The following PLD5 variants were observed in gnomAD, a reference collection of about 807,000 sequenced individuals.
PLD5 encodes inactive phospholipase D5.
PLD5 carries 36 observed loss-of-function variants against 61.1 expected under a neutral mutation model. The ratio of observed to expected loss-of-function variants is 0.59; its 90% confidence interval spans 0.45 to 0.78. The LOEUF is 0.78. Among genes scored for constraint, PLD5 ranks in the 30% least tolerant of loss-of-function variants. The pLI is 0.00. For synonymous variants in PLD5, 243 were observed against 242.8 expected, an observed-to-expected ratio of 1.00 and a Z score of -0.01; for missense variants, 515 against 644.4, an observed-to-expected ratio of 0.80 and a Z score of 2.17.
chr1:242,524,804 G>A (rs1349300003), upstream of PLD5: 1 of 150,840 alleles, frequency 6.6e-6, no homozygotes, highest in Non-Finnish European at 1.5e-5. Flanking sequence ...GTGCAGTGAG[G>A]AGCCGCCGCC....
At chr1:242,512,134 G>A (rs1377773183) in intron 1 of PLD5, among the ~76,000 whole-genome samples, 1 of 151,764 alleles carries the variant, frequency 6.6e-6, no homozygotes, top group Non-Finnish European at 1.5e-5. Flanking sequence ...GGGTTTGGTT[G>A]GGTGCGGTGG....
At chr1:242,366,176 C>T (rs895844262) in intron 1 of PLD5, among the ~76,000 whole-genome samples, 1 of 152,116 alleles carries the variant, frequency 6.6e-6, no homozygotes, top group Non-Finnish European at 1.5e-5. Flanking sequence ...ACTGAAGAAA[C>T]CATGCCTCTA....
chr1:242,364,963 A>G lies in PLD5; in HGVS notation c.190-16721T>C, dbSNP rs182662032. Reference sequence around the variant, plus strand: ...GATAAAAATGGATCAACTTTTAGCAATACAGATAAGGAAAAAAAAAAAAGA... The same window carrying G: ...GATAAAAATGGATCAACTTTTAGCAGTACAGATAAGGAAAAAAAAAAAAGA... On this transcript the variant is annotated intron_variant, in intron 1 of 9. Transcript: ENST00000536534. 2.4e-3 allele frequency among the ~76,000 whole-genome samples: 180 copies of G among 75,448 alleles called. 1 individual carries two copies. The highest frequency in any genetic ancestry group is 8.4e-3 in the African/African-American group (171 of 20,428). The allele number at this position is 75,448 out of a possible 152,430, so 49.5% of individuals were successfully genotyped here. A position where few individuals can be genotyped will look rare whatever the true frequency, so the allele number is the denominator to read the frequency against.
rs1238660405 is a variant in PLD5, at chr1:242,256,768, ATCTATCT to A, written c.607+8562_607+8568del. Reference sequence around the variant, plus strand: ...CTATCATCTATCTATCTATCTATCTATCTATCTATCTATCTATCTATCTATCTATTAA... The same window carrying A: ...CTATCATCTATCTATCTATCTATCTAATCTATCTATCTATCTATCTATTAA... On this transcript the variant is annotated intron_variant, in intron 4 of 9. Transcript: ENST00000536534. The surrounding 1 kb of genome is among the most constrained non-coding windows in gnomAD (Gnocchi z 5.7). 7.8e-3 allele frequency among the ~76,000 whole-genome samples: 1,179 copies of A among 151,624 alleles called. 16 individuals carry two copies. The highest frequency in any genetic ancestry group is 0.027 in the African/African-American group (1,099 of 41,198).
intron 5 of PLD5, among the ~76,000 whole-genome samples, chr1:242,175,723 C>T (rs2148888793): frequency 6.6e-6 from 1 of 152,322 alleles, no homozygotes; most frequent in South Asian, 2.1e-4. Flanking sequence ...GCAAAATCTC[C>T]TTAAGCTGAT....
At chr1:242,497,702 T>C (rs185473359) in intron 1 of PLD5, among the ~76,000 whole-genome samples, 1 of 152,370 alleles carries the variant, frequency 6.6e-6, no homozygotes, top group Admixed American at 6.5e-5. Context: ...CCTAGTGTTA[T>C]ACCTGGAACA....
At chr1:242,487,867 G>A (rs1668014580) in intron 1 of PLD5, among the ~76,000 whole-genome samples, 1 of 151,928 alleles carries the variant, frequency 6.6e-6, no homozygotes, top group African/African-American at 2.4e-5. Context: ...TCATTTTGTA[G>A]GTTGTTTTTA....
At chr1:242,459,363 G>C (rs953609905) in intron 1 of PLD5, among the ~76,000 whole-genome samples, 60 of 152,208 alleles carry the variant, frequency 3.9e-4, no homozygotes, top group African/African-American at 1.4e-3. Flanking sequence ...GTTTTAGACG[G>C]TATCTCTGAG....
At chr1:242,310,657 C>T (rs930816766) in intron 2 of PLD5, among the ~76,000 whole-genome samples, 10 of 152,096 alleles carry the variant, frequency 6.6e-5, no homozygotes, top group African/African-American at 2.2e-4. Context: ...ACTTTTGCTC[C>T]AACCTGATAA....
At chr1:242,455,986 T>C (rs1666932521) in intron 1 of PLD5, among the ~76,000 whole-genome samples, 1 of 152,242 alleles carries the variant, frequency 6.6e-6, no homozygotes, top group Non-Finnish European at 1.5e-5. Context: ...AGTCCAGGAA[T>C]TCTAAATTTG....
chr1:242,474,831 C>T (rs1281363176), intron 1 of PLD5, among the ~76,000 whole-genome samples: 1 of 152,210 alleles, frequency 6.6e-6, no homozygotes, highest in Non-Finnish European at 1.5e-5. Context: ...ATCACCTTCT[C>T]TGCAAACTCT....
intron 1 of PLD5, 114 bp from the exon 2 acceptor site, chr1:242,348,356 A>G: frequency 8.6e-7 from 1 of 1,160,608 alleles, no homozygotes; most frequent in South Asian, 1.6e-5. Flanking sequence ...TACGATTATC[A>G]CTGCCTAGAA....
intron 1 of PLD5, among the ~76,000 whole-genome samples, chr1:242,364,114 T>C (rs1371459484): frequency 6.6e-6 from 1 of 151,960 alleles, no homozygotes; most frequent in Non-Finnish European, 1.5e-5. Context: ...ACTAAACTTT[T>C]ATGCACTTAA....
intron 6 of PLD5, among the ~76,000 whole-genome samples, chr1:242,114,758 T>C (rs1364619372): frequency 6.6e-6 from 1 of 152,154 alleles, no homozygotes; most frequent in Non-Finnish European, 1.5e-5. Flanking sequence ...GATCTGTCAC[T>C]GTCTCCCATC....
At chr1:242,264,305 A>T (rs1673533405) in intron 4 of PLD5, among the ~76,000 whole-genome samples, 1 of 152,228 alleles carries the variant, frequency 6.6e-6, no homozygotes, top group Admixed American at 6.5e-5. Context: ...CTTTTCAAAC[A>T]TACGATTATC....
At chr1:242,241,557 T>C (rs11808835) in intron 4 of PLD5, among the ~76,000 whole-genome samples, 172 of 140,312 alleles carry the variant, frequency 1.2e-3, no homozygotes, top group Non-Finnish European at 2.3e-3. Context: ...TGCTGAAAAA[T>C]GACAAATAAG....
At chr1:242,381,139 G>C (rs1662251268) in intron 1 of PLD5, among the ~76,000 whole-genome samples, 1 of 152,134 alleles carries the variant, frequency 6.6e-6, no homozygotes, top group Non-Finnish European at 1.5e-5. Flanking sequence ...CAAAGACATG[G>C]AATCAATCCA....
intron 1 of PLD5, among the ~76,000 whole-genome samples, chr1:242,444,544 G>A (rs1666419349): frequency 6.7e-6 from 1 of 150,206 alleles, no homozygotes; most frequent in Non-Finnish European, 1.5e-5. Flanking sequence ...TAGGAATATA[G>A]GTGCATGTAA....
At chr1:242,364,974 GA>G (rs35043995) in intron 1 of PLD5, among the ~76,000 whole-genome samples, 20,355 of 149,114 alleles carry the variant, frequency 0.14, 1,962 homozygotes, top group African/African-American at 0.27. Flanking sequence ...TACAGATAAG[GA>G]AAAAAAAAAA....
Sources: allele counts gnomAD v4.1 joint callset (sites outside exome capture counted in the v4.1 genomes callset), GRCh38; gene constraint gnomAD v4.1.1; non-coding constraint Gnocchi (gnomAD v3.1); transcripts MANE v1.5; gene names NCBI Gene and HGNC (gene_info 2026-07-23, HGNC 2026-07-21).